Variants in SNCAIP observed in about 807,000 individuals in gnomAD.
SNCAIP encodes the protein synuclein alpha interacting protein, also known as synphilin-1.
Under a neutral mutation model 86.7 loss-of-function variants are expected in SNCAIP, and 43 were observed. The observed-to-expected ratio is 0.50, with a 90% CI of 0.39 to 0.64. The LOEUF is 0.64. SNCAIP is among the 30% of genes least tolerant of loss of function. The probability of loss-of-function intolerance (pLI) is 0.00; values close to 1 mark genes in which losing one functional copy is unlikely to be tolerated. For missense variants in SNCAIP, 981 were observed against 1,103.1 expected (o/e 0.89, Z 1.57); for synonymous variants, 417 against 427.2 (o/e 0.98, Z 0.29).
At chr5:122,386,331 C>G (rs1580893670) in intron 1 of SNCAIP, among the ~76,000 whole-genome samples, 1 of 152,234 alleles carries the variant, frequency 6.6e-6, no homozygotes, top group East Asian at 1.9e-4. Flanking sequence ...ATTTTGAGCT[C>G]TCTCCCAAAA....
intron 3 of SNCAIP, among the ~76,000 whole-genome samples, chr5:122,421,944 G>A (rs544784515): frequency 2.1e-5 from 3 of 144,120 alleles, no homozygotes; most frequent in South Asian, 4.7e-4. Flanking sequence ...CTACTCTATC[G>A]CAACCAGACA....
chr5:122,358,201 G>GTA (rs1279979410), intron 1 of SNCAIP, among the ~76,000 whole-genome samples: 16,721 of 127,536 alleles, frequency 0.13, 1,063 homozygotes, highest in Non-Finnish European at 0.17. Context: ...GTGTGTGTGT[G>GTA]TGTATATATA....
At chr5:122,456,664 C>T (rs1248654830) in intron 10 of SNCAIP, among the ~76,000 whole-genome samples, 5 of 152,192 alleles carry the variant, frequency 3.3e-5, no homozygotes, top group South Asian at 2.1e-4. Context: ...GAACAAATGT[C>T]TCCTTGCCAT....
At chr5:122,356,093 T>A (rs1384597945) in intron 1 of SNCAIP, among the ~76,000 whole-genome samples, 1 of 145,784 alleles carries the variant, frequency 6.9e-6, no homozygotes, top group African/African-American at 2.6e-5. Flanking sequence ...GAGTTAGCCT[T>A]TCTTTTTTTT....
chr5:122,427,087 C>G (rs550714068), intron 5 of SNCAIP, among the ~76,000 whole-genome samples: 7 of 152,230 alleles, frequency 4.6e-5, no homozygotes, highest in African/African-American at 1.7e-4. Context: ...TAAGATTTGC[C>G]TTGCTGTTTT....
chr5:122,375,409 C>T (rs1050193355), intron 1 of SNCAIP, among the ~76,000 whole-genome samples: 2 of 150,550 alleles, frequency 1.3e-5, no homozygotes, highest in African/African-American at 4.9e-5. Flanking sequence ...AAATTGTTTT[C>T]AGTGTCTTCA....
At chr5:122,323,209 C>CTGTCAT (rs1753339472) in intron 1 of SNCAIP, 1 of 152,152 alleles carries the variant, frequency 6.6e-6, no homozygotes, top group Non-Finnish European at 1.5e-5. Flanking sequence ...TCATTCCCCA[C>CTGTCAT]GTTCTGCAGA....
Position 122,450,519 on chromosome 5 carries a change from C to T in SNCAIP, c.1686-14C>T, listed in dbSNP as rs1783502558. 1.9e-6 allele frequency: 3 copies of T among 1,585,570 alleles called. No homozygotes were observed. ...GTAGGAAATCATCTCATATGTCCTT[C>T]ATCTTCTTTTTAGTTCACCATCCTC... is the stretch of plus-strand genomic sequence containing the variant. On this transcript the variant is annotated splice_polypyrimidine_tract_variant and intron_variant, in intron 9 of 10. Transcript: ENST00000261368.
At chr5:122,404,103 A>C (rs1683087870) in intron 3 of SNCAIP, among the ~76,000 whole-genome samples, 1 of 152,218 alleles carries the variant, frequency 6.6e-6, no homozygotes, top group Non-Finnish European at 1.5e-5. Context: ...ACAGATAAAT[A>C]AATATGGGAG....
intron 1 of SNCAIP, chr5:122,323,443 C>G (rs1407016102): frequency 6.6e-6 from 1 of 152,188 alleles, no homozygotes; most frequent in Non-Finnish European, 1.5e-5. Flanking sequence ...GTGAGCCTCT[C>G]CCAGCAACAG....
At chr5:122,456,489 T>C (rs1011358268) in intron 10 of SNCAIP, among the ~76,000 whole-genome samples, 2 of 152,108 alleles carry the variant, frequency 1.3e-5, no homozygotes, top group Non-Finnish European at 2.9e-5. Context: ...CAGGACATCA[T>C]ACTAAACAGA....
At position 122,403,816 on chromosome 5, in the gene SNCAIP, G is replaced by T; in HGVS notation, c.81G>T (p.Thr27=). The change falls in exon 3 of 11, where the codon ACG becomes ACT. Residue 27 remains threonine (T), a synonymous_variant. Coordinates refer to ENST00000261368, the MANE Select transcript of SNCAIP (RefSeq NM_005460.4). The part of the protein sequence containing the change: ...DISYSVTSLK[T]IPELCRRCDT... ...AGTATTCAGTCACATCACTCAAGAC[G>T]ATCCCAGAACTGTGCCGAAGATGTG... The T allele has an allele frequency of 6.2e-7, 1 of 1,613,700 alleles. No individual in the cohort carries two copies. The highest frequency in any genetic ancestry group is 8.5e-7 in the Non-Finnish European group (1 of 1,179,752).
chr5:122,408,094 TGA>T (rs1450392093), intron 3 of SNCAIP, among the ~76,000 whole-genome samples: 1 of 152,222 alleles, frequency 6.6e-6, no homozygotes, highest in African/African-American at 2.4e-5. Flanking sequence ...TCCTCAGTGC[TGA>T]GTGTGTGCTG....
intron 2 of SNCAIP, chr5:122,400,935 G>A (rs2152865753): frequency 2.7e-6 from 4 of 1,490,034 alleles, no homozygotes; most frequent in Middle Eastern, 3.5e-4. Context: ...GATAGAAAAT[G>A]TAATGCTTCT....
intron 1 of SNCAIP, among the ~76,000 whole-genome samples, chr5:122,317,988 T>C (rs1752134811): frequency 6.6e-6 from 1 of 151,926 alleles, no homozygotes; most frequent in Admixed American, 6.6e-5. Context: ...TTGCTCTTTC[T>C]AAAGAATAGA....
At chr5:122,458,047 C>T (rs554498599) in intron 10 of SNCAIP, among the ~76,000 whole-genome samples, 5 of 152,278 alleles carry the variant, frequency 3.3e-5, no homozygotes, top group African/African-American at 1.2e-4. Context: ...GCTCCTTACA[C>T]TGGGAAAAGG....
chr5:122,376,203 G>C (rs1308795300), intron 1 of SNCAIP, among the ~76,000 whole-genome samples: 1 of 152,092 alleles, frequency 6.6e-6, no homozygotes, highest in African/African-American at 2.4e-5. Context: ...CAATCAGAAT[G>C]AAGCCAAGAT....
At chr5:122,354,567 A>G (rs59484573) in intron 1 of SNCAIP, among the ~76,000 whole-genome samples, 1,852 of 152,250 alleles carry the variant, frequency 0.012, 35 homozygotes, top group African/African-American at 0.04. Context: ...GCAACTTTTC[A>G]GCAAAGGCAA....
At chr5:122,420,193 T>C (rs1304732660) in intron 3 of SNCAIP, among the ~76,000 whole-genome samples, 1 of 152,178 alleles carries the variant, frequency 6.6e-6, no homozygotes, top group African/African-American at 2.4e-5. Flanking sequence ...CCTTCTTCAG[T>C]TTCTAGATCC....
Sources: allele counts gnomAD v4.1 joint callset (sites outside exome capture counted in the v4.1 genomes callset), GRCh38; gene constraint gnomAD v4.1.1; transcripts MANE v1.5; gene names NCBI Gene and HGNC (gene_info 2026-07-23, HGNC 2026-07-21).